The following ASMTL variants were observed in gnomAD, a reference collection of about 807,000 sequenced individuals.
ASMTL encodes the protein acetylserotonin O-methyltransferase like.
Under a neutral mutation model 60.3 loss-of-function variants are expected in ASMTL, and 57 were observed. That is an observed-to-expected ratio of 0.95 (90% CI 0.76 to 1.18). The LOEUF (loss-of-function observed/expected upper bound fraction) is 1.18. ASMTL is among the 50% of genes most tolerant of loss of function. The pLI is 0.00. For synonymous variants in ASMTL, 419 were observed against 373.0 expected, an observed-to-expected ratio of 1.12 and a Z score of -1.42; for missense variants, 981 against 852.6, an observed-to-expected ratio of 1.15 and a Z score of -1.88.
rs751352821 is a variant in ASMTL at position 1,425,720 on chromosome X, G to A, written c.898-33C>T. The A allele has an allele frequency of 2.5e-6, 4 of 1,604,234 alleles. No homozygotes were observed. In the South Asian group the frequency reaches 4.4e-5, roughly 18 times the overall value. ...AAGCAAGTGCAGAGAGACTCATTAA[G>A]TCCCTTGTCCAGTACTTTCTACTCC... On this transcript the variant is annotated intron_variant, in intron 7 of 12. Transcript: ENST00000381317.
At chrX:1,426,655 C>T (rs1316939965) in intron 7 of ASMTL, among the ~76,000 whole-genome samples, 1 of 152,156 alleles carries the variant, frequency 6.6e-6, no homozygotes, top group Non-Finnish European at 1.5e-5. Flanking sequence ...GAGTTCGAGA[C>T]CATCCTGGCC....
intron 1 of ASMTL, among the ~76,000 whole-genome samples, chrX:1,443,310 ACAC>A: frequency 1.7e-4 from 2 of 12,094 alleles, no homozygotes; most frequent in Non-Finnish European, 7.4e-4. Flanking sequence ...TCTTGGACAC[ACAC>A]CGCCATCTTG....
At chrX:1,429,751 C>CCA (rs2090716679) in intron 6 of ASMTL, among the ~76,000 whole-genome samples, 1 of 151,746 alleles carries the variant, frequency 6.6e-6, no homozygotes, top group Non-Finnish European at 1.5e-5. Context: ...GAGCCAAGAT[C>CCA]GCGCCACTGC....
chrX:1,414,448 G>T (rs1355502776), intron 11 of ASMTL, among the ~76,000 whole-genome samples: 1 of 152,122 alleles, frequency 6.6e-6, no homozygotes, highest in Non-Finnish European at 1.5e-5. Context: ...GCCGGGCGGG[G>T]TGTAATCCCA....
chrX:1,439,982 C>T (rs2091067785), intron 2 of ASMTL, among the ~76,000 whole-genome samples: 1 of 152,144 alleles, frequency 6.6e-6, no homozygotes, highest in East Asian at 1.9e-4. Flanking sequence ...CTTAGCTCAG[C>T]CCCGCACTGG....
chrX:1,425,386 G>T, intron 8 of ASMTL, 139 bp downstream of exon 8: 1 of 1,024,144 alleles, frequency 9.8e-7, no homozygotes, highest in Non-Finnish European at 1.4e-6. Context: ...TCAACCTTTC[G>T]GGAAAAGCAG....
chrX:1,414,616 G>C (rs1225697011), intron 11 of ASMTL, among the ~76,000 whole-genome samples: 5 of 152,080 alleles, frequency 3.3e-5, no homozygotes, highest in Admixed American at 2.6e-4. Context: ...GCTGAGGTGG[G>C]AGGATCCCTT....
chrX:1,416,146 G>GGC (rs2090244150), intron 11 of ASMTL, among the ~76,000 whole-genome samples: 1 of 147,528 alleles, frequency 6.8e-6, no homozygotes, highest in African/African-American at 2.5e-5. Context: ...TGCACAGATG[G>GGC]GCACACACAC....
chrX:1,423,221 G>C (rs2090526116), intron 8 of ASMTL, among the ~76,000 whole-genome samples: 1 of 152,146 alleles, frequency 6.6e-6, no homozygotes, highest in African/African-American at 2.4e-5. Flanking sequence ...CCAAGTGCTG[G>C]GATTACAGGC....
At chrX:1,414,448 G>C (rs1355502776) in intron 11 of ASMTL, among the ~76,000 whole-genome samples, 2 of 152,122 alleles carry the variant, frequency 1.3e-5, no homozygotes, top group Non-Finnish European at 2.9e-5. Context: ...GCCGGGCGGG[G>C]TGTAATCCCA....
rs780264407 is a variant in ASMTL, at chrX:1,450,649, A to C, written c.93+2099T>G. Among the ~76,000 whole-genome samples, 14 of 88,682 alleles carry C rather than the reference A, an allele frequency of 1.6e-4. 2 individuals are homozygous for C. The South Asian group carries it at 5.7e-3, about 36-fold the overall frequency. 58.2% of individuals were successfully genotyped at this position (88,682 alleles called of 152,430 possible). On this transcript the variant is annotated intron_variant, in intron 1 of 12. Transcript: ENST00000381317. The stretch of plus-strand genomic sequence containing the variant: ...GGTCACTCTCCCCTCCCCCATCCCT[A>C]GGGGTTCTGGGTCACTCTCCCCTCC...
chrX:1,418,862 G>T, intron 10 of ASMTL, 120 bp downstream of exon 10: 1 of 1,310,244 alleles, frequency 7.6e-7, no homozygotes, highest in Non-Finnish European at 1.1e-6. Context: ...GCCTGGCCCG[G>T]TTCAGGTCGT....
chrX:1,403,343 C>A lies in ASMTL; in HGVS notation c.1792G>T (p.Gly598Cys), dbSNP rs374227390. 3 of 1,613,400 alleles carry A rather than the reference C, an allele frequency of 1.9e-6. No homozygotes were observed. The highest frequency in any genetic ancestry group is 2.5e-6 in the Non-Finnish European group (3 of 1,179,862). Residue 598 changes from glycine (G) to cysteine (C), a missense_variant, in exon 13 of 13, where the codon GGC becomes TGC. By Grantham distance (159) the Gly-to-Cys change is radical. Transcript: ENST00000381317. ...GEYQCLLELH[G>C]FHQVQVVHLG... ...TGCACCACCTGCACCTGGTGGAAGC[C>A]GTGCAGCTCCAGCAAGCACTGATAC... is the stretch of plus-strand genomic sequence containing the variant.
chrX:1,414,217 T>C (rs1480212968), intron 11 of ASMTL, among the ~76,000 whole-genome samples: 6 of 151,738 alleles, frequency 4.0e-5, no homozygotes, highest in East Asian at 1.9e-4. Context: ...GCAGGAAGGA[T>C]CCTCCCCTAG....
At chrX:1,412,225 T>C (rs1266357517) in intron 12 of ASMTL, among the ~76,000 whole-genome samples, 1 of 151,944 alleles carries the variant, frequency 6.6e-6, no homozygotes, top group Non-Finnish European at 1.5e-5. Context: ...AATTCTTTTT[T>C]TGTTGTGGTT....
chrX:1,413,149 G>A, intron 11 of ASMTL: 1 of 408,616 alleles, frequency 2.4e-6, no homozygotes, highest in Non-Finnish European at 4.5e-6. Flanking sequence ...GATTGTCTGA[G>A]CTCAGGAGTT....
Position 1,435,586 on chromosome X carries a change from G to A in ASMTL, c.338+108C>T, listed in dbSNP as rs571068265. On this transcript the variant is annotated intron_variant, in intron 4 of 12. Transcript: ENST00000381317. ...ACAGCTCAGACAGCACAGCTCAGAC[G>A]GCAGAGCTGACAGAGATCCACCCTG... 3,454 of 1,025,272 alleles carry A rather than the reference G, an allele frequency of 3.4e-3. 33 individuals are homozygous for A. The highest frequency in any genetic ancestry group is 0.018 in the South Asian group (1,345 of 74,040). 63.5% of individuals were successfully genotyped at this position (1,025,272 alleles called of 1,614,324 possible).
At position 1,418,048 on chromosome X, in the gene ASMTL, G is replaced by A; in HGVS notation, c.1447C>T (p.Leu483Phe). The A allele has an allele frequency of 6.2e-7, 1 of 1,613,622 alleles. No homozygotes were observed. Among genetic ancestry groups the A allele is most frequent in the Non-Finnish European group, 8.5e-7 (1 of 1,179,662 alleles). The change falls in exon 11 of 13, where the codon CTC becomes TTC. Residue 483 changes from leucine (L) to phenylalanine (F), a missense_variant. Transcript: ENST00000381317. ...YPRMQVTVFD[L>F]PDIIELAAHF... The stretch of plus-strand genomic sequence containing the variant: ...GCGGCCAGCTCGATAATGTCTGGGA[G>A]GTCAAACACAGTCACCTGCATACGA...
intron 8 of ASMTL, among the ~76,000 whole-genome samples, chrX:1,425,286 C>G (rs1234295674): frequency 6.6e-6 from 1 of 152,186 alleles, no homozygotes; most frequent in Non-Finnish European, 1.5e-5. Context: ...TGATACAGCC[C>G]CTTTGAGACT....
Sources: allele counts gnomAD v4.1 joint callset (sites outside exome capture counted in the v4.1 genomes callset), GRCh38; gene constraint gnomAD v4.1.1; transcripts MANE v1.5; gene names NCBI Gene and HGNC (gene_info 2026-07-23, HGNC 2026-07-21).